Variants in ERC2 observed in about 807,000 individuals in gnomAD.
ERC2 encodes the protein ERC protein 2.
A neutral mutation model predicts 114.8 loss-of-function variants in ERC2; 42 were observed. The ratio of observed to expected loss-of-function variants is 0.37; its 90% confidence interval spans 0.29 to 0.47. ERC2 has a LOEUF of 0.47. Ranked by LOEUF, ERC2 falls within the 20% of genes least tolerant of loss-of-function variation. ERC2 has a pLI of 0.99. For missense variants in ERC2, 939 were observed against 1,150.7 expected (o/e 0.82, Z 2.66); for synonymous variants, 454 against 425.5 (o/e 1.07, Z -0.82).
intron 2 of ERC2, among the ~76,000 whole-genome samples, chr3:56,421,800 T>A (rs2061401210): frequency 6.6e-6 from 1 of 152,134 alleles, no homozygotes; most frequent in Non-Finnish European, 1.5e-5. Flanking sequence ...GTCTAGTAGG[T>A]ATCATTATGT....
intron 14 of ERC2, among the ~76,000 whole-genome samples, chr3:55,750,122 C>T (rs2066592047): frequency 6.6e-6 from 1 of 151,758 alleles, no homozygotes; most frequent in South Asian, 2.1e-4. Flanking sequence ...GAAGGATCAG[C>T]AATGGGTAAG....
At chr3:56,110,785 TG>T (rs145198070) in intron 6 of ERC2, among the ~76,000 whole-genome samples, 353 of 152,358 alleles carry the variant, frequency 2.3e-3, no homozygotes, top group Middle Eastern at 0.02. Flanking sequence ...ACATCAATAC[TG>T]GCTTATTTGA....
At chr3:56,276,458 C>CAAAAAAAAAAAAAAA (rs2053994748) in intron 3 of ERC2, among the ~76,000 whole-genome samples, 1 of 59,476 alleles carries the variant, frequency 1.7e-5, no homozygotes, top group Non-Finnish European at 4.5e-5. Context: ...CCAAACTCAG[C>CAAAAAAAAAAAAAAA]TAAAAAAAAA....
chr3:55,815,918 G>T (rs998914615), intron 14 of ERC2, among the ~76,000 whole-genome samples: 1 of 152,192 alleles, frequency 6.6e-6, no homozygotes, highest in African/African-American at 2.4e-5. Flanking sequence ...GTCCCACTGG[G>T]AGCCTCTGGA....
At chr3:55,786,379 A>G (rs1316622244) in intron 14 of ERC2, among the ~76,000 whole-genome samples, 2 of 152,242 alleles carry the variant, frequency 1.3e-5, no homozygotes, top group East Asian at 3.8e-4. Context: ...TTACAGAGGA[A>G]CAAAAAAGTC....
intron 3 of ERC2, among the ~76,000 whole-genome samples, chr3:56,248,040 A>G (rs1316589149): frequency 6.6e-5 from 10 of 152,132 alleles, no homozygotes; most frequent in Non-Finnish European, 1.2e-4. Flanking sequence ...TCTTCCTCTA[A>G]TAATTCTTGT....
At chr3:56,066,840 T>A (rs1167183584) in intron 7 of ERC2, among the ~76,000 whole-genome samples, 1 of 152,214 alleles carries the variant, frequency 6.6e-6, no homozygotes, top group Non-Finnish European at 1.5e-5. Context: ...GTCAGGTTTG[T>A]TGAAAATCAG....
In ERC2 at chr3:55,833,647, G is replaced by A. The variant is rs147188709; in HGVS notation, c.2564+54742C>T. ...AAAGGAACAACTGGTACCAACCACT[G>A]CAAAATCATGCCAAATTGTAAAGAC... is the stretch of plus-strand genomic sequence containing the variant. On this transcript the variant is annotated intron_variant, in intron 14 of 17. Coordinates refer to ENST00000288221, the MANE Select transcript of ERC2 (RefSeq NM_015576.3). 5.7e-3 allele frequency among the ~76,000 whole-genome samples: 873 copies of A among 152,256 alleles called. 8 individuals are homozygous for A. Among genetic ancestry groups the A allele is most frequent in the African/African-American group, 0.02 (814 of 41,536 alleles).
rs1023125771 is a variant in ERC2 at position 55,508,457 on chromosome 3, A to T, written c.*2859T>A. 1 of 152,666 alleles carries T rather than the reference A, an allele frequency of 6.6e-6. No homozygotes were observed. The highest frequency in any genetic ancestry group is 1.5e-5 in the Non-Finnish European group (1 of 68,046). The allele number at this position is 152,666 out of a possible 1,614,324, so 9.5% of individuals were successfully genotyped here. A position where few individuals can be genotyped will look rare whatever the true frequency, so the allele number is the denominator to read the frequency against. ...CGAGGTTACAATGACTGGCTAATAC[A>T]TGCCCACTGGTAGTTTCCAGGGTTC... On this transcript the variant is annotated 3_prime_UTR_variant, in exon 18 of 18. Coordinates refer to ENST00000288221, the MANE Select transcript of ERC2 (RefSeq NM_015576.3).
intron 2 of ERC2, among the ~76,000 whole-genome samples, chr3:56,414,780 C>CTG (rs1355485110): frequency 6.6e-6 from 1 of 152,010 alleles, no homozygotes; most frequent in Non-Finnish European, 1.5e-5. Context: ...TCCACTCTCT[C>CTG]TCTCTCCCTC....
chr3:56,361,215 T>C (rs75011376), intron 2 of ERC2, among the ~76,000 whole-genome samples: 14 of 152,020 alleles, frequency 9.2e-5, no homozygotes, highest in African/African-American at 3.4e-4. Flanking sequence ...CCAGGACGGA[T>C]TAAAGAAGAT....
intron 17 of ERC2, among the ~76,000 whole-genome samples, chr3:55,652,253 T>C (rs753760194): frequency 1.3e-5 from 2 of 152,238 alleles, no homozygotes; most frequent in Non-Finnish European, 2.9e-5. Flanking sequence ...GTTCTGTTTC[T>C]AGTCTGTAAT....
chr3:55,705,692 A>G (rs756657290), intron 15 of ERC2, among the ~76,000 whole-genome samples: 6 of 151,928 alleles, frequency 3.9e-5, no homozygotes, highest in Admixed American at 3.3e-4. Context: ...CATTCAGCTG[A>G]TCCATCCTTC....
At chr3:56,043,746 C>T (rs951876935) in intron 7 of ERC2, among the ~76,000 whole-genome samples, 2 of 152,112 alleles carry the variant, frequency 1.3e-5, no homozygotes, top group African/African-American at 4.8e-5. Context: ...CAAGATAGTA[C>T]CTGCCTTTCA....
At chr3:56,204,887 A>G (rs1429595270) in intron 3 of ERC2, among the ~76,000 whole-genome samples, 1 of 120,028 alleles carries the variant, frequency 8.3e-6, no homozygotes, top group Non-Finnish European at 1.8e-5. Context: ...ACTTACACTC[A>G]GAAAAAAAGT....
intron 3 of ERC2, among the ~76,000 whole-genome samples, chr3:56,214,410 G>A (rs1489070320): frequency 1.3e-5 from 2 of 151,680 alleles, no homozygotes; most frequent in East Asian, 3.9e-4. Context: ...AAGATCAAAT[G>A]AATGAAATGA....
At chr3:56,393,834 T>G (rs1228208654) in intron 2 of ERC2, among the ~76,000 whole-genome samples, 1 of 152,024 alleles carries the variant, frequency 6.6e-6, no homozygotes, top group Non-Finnish European at 1.5e-5. Flanking sequence ...TAAGCCTCAG[T>G]GAAGATCAAA....
At chr3:55,965,111 A>C (rs1426083133) in intron 12 of ERC2, among the ~76,000 whole-genome samples, 1 of 152,194 alleles carries the variant, frequency 6.6e-6, no homozygotes, top group African/African-American at 2.4e-5. Context: ...GCCATATTCT[A>C]TCAGCTAGAT....
At chr3:55,685,272 T>C (rs751380266) in intron 16 of ERC2, among the ~76,000 whole-genome samples, 1 of 152,180 alleles carries the variant, frequency 6.6e-6, no homozygotes, top group Non-Finnish European at 1.5e-5. Context: ...ATGGAATGAT[T>C]TGCACAGAGT....
Sources: gnomAD v4.1 joint callset for allele counts (sites outside exome capture counted in the v4.1 genomes callset) on GRCh38, gnomAD v4.1.1 for gene constraint, MANE v1.5 for transcripts, NCBI Gene and HGNC (gene_info 2026-07-23, HGNC 2026-07-21) for gene names.